The following EEFSEC variants were observed in gnomAD, a reference collection of about 807,000 sequenced individuals.
The protein encoded by EEFSEC is selenocysteine-specific elongation factor.
Under a neutral mutation model 42.1 loss-of-function variants are expected in EEFSEC, and 43 were observed. The ratio of observed to expected loss-of-function variants is 1.02; its 90% CI spans 0.80 to 1.32. The LOEUF is 1.32. Among genes scored for constraint, EEFSEC ranks in the 40% most tolerant of loss-of-function variants. The pLI is 0.00. For missense variants in EEFSEC, 745 were observed against 803.6 expected (o/e 0.93, Z 0.88); for synonymous variants, 354 against 339.1 (o/e 1.04, Z -0.48).
intron 6 of EEFSEC, among the ~76,000 whole-genome samples, chr3:128,359,191 G>A (rs568239240): frequency 6.6e-6 from 1 of 152,250 alleles, no homozygotes; most frequent in South Asian, 2.1e-4. Context: ...GTCAGGGAGA[G>A]CATGCCACAG....
chr3:128,411,778 G>C (rs900996001), downstream of EEFSEC, among the ~76,000 whole-genome samples: 1 of 152,262 alleles, frequency 6.6e-6, no homozygotes. Flanking sequence ...ATTTTCAATA[G>C]ATAACGTCTC....
intron 6 of EEFSEC, among the ~76,000 whole-genome samples, chr3:128,394,859 T>C (rs541972197): frequency 1.2e-3 from 186 of 152,300 alleles, no homozygotes; most frequent in South Asian, 5.2e-3. Flanking sequence ...TGAGAGCATA[T>C]GGCTGTGTGG....
At position 128,243,605 on chromosome 3, in the gene EEFSEC, G is replaced by C. The variant is rs147446022; in HGVS notation, c.317-3231G>C. On this transcript the variant is annotated intron_variant, in intron 1 of 6. Coordinates refer to ENST00000254730, the MANE Select transcript of EEFSEC (RefSeq NM_021937.5). ...AATACAGATTGAAAACCCAGGCCTT[G>C]GTTATGAACCCTCAGCATGGAGCCG... Among the ~76,000 whole-genome samples the C allele has an allele frequency of 5.8e-3, 880 of 152,340 alleles. 2 individuals are homozygous for C. The highest frequency in any genetic ancestry group is 0.01 in the Middle Eastern group (3 of 294).
At chr3:128,376,734 G>A (rs950918991) in intron 6 of EEFSEC, among the ~76,000 whole-genome samples, 3 of 152,170 alleles carry the variant, frequency 2.0e-5, no homozygotes, top group Non-Finnish European at 2.9e-5. Context: ...TGGCCAAGCA[G>A]TGAGCATATC....
At chr3:128,419,458 T>A in the EEFSEC span, among the ~76,000 whole-genome samples, 2 of 152,228 alleles carry the variant, frequency 1.3e-5, no homozygotes, top group African/African-American at 2.4e-5. Flanking sequence ...CACAAAGTGA[T>A]ACTGTGTGTT....
At chr3:128,329,508 A>G (rs1354769026) in intron 4 of EEFSEC, among the ~76,000 whole-genome samples, 1 of 152,302 alleles carries the variant, frequency 6.6e-6, no homozygotes, top group East Asian at 1.9e-4. Context: ...GTGGGGGTCA[A>G]GTGGCGGGGG....
At chr3:128,358,491 C>T in intron 6 of EEFSEC, 118 bp downstream of exon 6, 4 of 1,439,060 alleles carry the variant, frequency 2.8e-6, no homozygotes, top group Non-Finnish European at 3.7e-6. Flanking sequence ...TTTGCCGAGA[C>T]ACGGGGTGAC....
intron 6 of EEFSEC, among the ~76,000 whole-genome samples, chr3:128,386,915 G>T (rs1051276893): frequency 3.9e-5 from 6 of 152,196 alleles, no homozygotes; most frequent in African/African-American, 1.4e-4. Flanking sequence ...AACACTGGGG[G>T]TCACATTTCA....
At chr3:128,311,784 A>G (rs143251163) in intron 4 of EEFSEC, among the ~76,000 whole-genome samples, 329 of 152,198 alleles carry the variant, frequency 2.2e-3, no homozygotes, top group Non-Finnish European at 2.4e-3. Flanking sequence ...TTTGCAAGGG[A>G]CGCCCTTTCC....
At chr3:128,261,067 G>A (rs1223290809) in intron 2 of EEFSEC, among the ~76,000 whole-genome samples, 1 of 152,038 alleles carries the variant, frequency 6.6e-6, no homozygotes, top group African/African-American at 2.4e-5. Flanking sequence ...ATGGAGGAAA[G>A]CATGTACAAG....
At chr3:128,234,383 A>G (rs139816309) in intron 1 of EEFSEC, among the ~76,000 whole-genome samples, 2 of 152,058 alleles carry the variant, frequency 1.3e-5, no homozygotes, top group African/African-American at 4.8e-5. Flanking sequence ...TTTTTATTTC[A>G]AAGTCATTTC....
chr3:128,352,812 A>G (rs902454068), intron 5 of EEFSEC, among the ~76,000 whole-genome samples: 6 of 152,190 alleles, frequency 3.9e-5, no homozygotes, highest in African/African-American at 9.7e-5. Flanking sequence ...GTTTCCCCAT[A>G]TTATAGATGG....
chr3:128,388,327 C>A (rs1324137269), intron 6 of EEFSEC, among the ~76,000 whole-genome samples: 1 of 152,234 alleles, frequency 6.6e-6, no homozygotes, highest in Non-Finnish European at 1.5e-5. Context: ...AGTCCCCCTC[C>A]AGTGCTTCCT....
chr3:128,308,856 G>A (rs2066860046), intron 4 of EEFSEC, among the ~76,000 whole-genome samples: 1 of 152,240 alleles, frequency 6.6e-6, no homozygotes, highest in African/African-American at 2.4e-5. Context: ...GTCTGCAGGT[G>A]CATAGAGCCG....
intron 1 of EEFSEC, among the ~76,000 whole-genome samples, chr3:128,189,240 C>T (rs1180772453): frequency 6.6e-6 from 1 of 152,176 alleles, no homozygotes; most frequent in Non-Finnish European, 1.5e-5. Flanking sequence ...ACAAGCGCCT[C>T]GCAGAAGACA....
intron 4 of EEFSEC, among the ~76,000 whole-genome samples, chr3:128,270,406 A>T (rs898501480): frequency 5.9e-5 from 9 of 152,222 alleles, no homozygotes; most frequent in African/African-American, 2.2e-4. Context: ...TCTGATAATG[A>T]TGACAAACAT....
the EEFSEC span, among the ~76,000 whole-genome samples, chr3:128,423,470 C>A: frequency 7.5e-4 from 108 of 144,228 alleles, no homozygotes; most frequent in African/African-American, 2.6e-3. Context: ...CAGAGCAAGA[C>A]CCTGTCTCAA....
At chr3:128,316,122 T>C (rs556974004) in intron 4 of EEFSEC, among the ~76,000 whole-genome samples, 1 of 152,360 alleles carries the variant, frequency 6.6e-6, no homozygotes, top group African/African-American at 2.4e-5. Context: ...TTGCTGCTTG[T>C]TTGTGGATTT....
intron 2 of EEFSEC, among the ~76,000 whole-genome samples, chr3:128,261,150 G>A (rs2066293061): frequency 6.6e-6 from 1 of 152,192 alleles, no homozygotes; most frequent in Admixed American, 6.5e-5. Flanking sequence ...AGAGAAGTGT[G>A]ACAAAGAGAC....
Sources: gnomAD v4.1 joint callset for allele counts (sites outside exome capture counted in the v4.1 genomes callset) on GRCh38, gnomAD v4.1.1 for gene constraint, MANE v1.5 for transcripts, NCBI Gene and HGNC (gene_info 2026-07-23, HGNC 2026-07-21) for gene names.